The following ENTREP2 variants were observed in gnomAD, a reference collection of about 807,000 sequenced individuals.
The protein encoded by ENTREP2 is endosomal transmembrane epsin interactor 2.
the ENTREP2 span, among the ~76,000 whole-genome samples, chr15:29,169,533 G>A: frequency 6.6e-6 from 1 of 152,276 alleles, no homozygotes; most frequent in Middle Eastern, 3.4e-3. Context: ...GAACCTAGAT[G>A]CAAAAGTCCT....
chr15:29,515,503 A>G, the ENTREP2 span, among the ~76,000 whole-genome samples: 89 of 152,284 alleles, frequency 5.8e-4, no homozygotes, highest in African/African-American at 2.1e-3. Flanking sequence ...AACACCAGCT[A>G]TCTGGGCATC....
the ENTREP2 span, among the ~76,000 whole-genome samples, chr15:29,396,910 G>C: frequency 2.0e-5 from 3 of 152,114 alleles, no homozygotes; most frequent in Non-Finnish European, 4.4e-5. Context: ...GGGGGAAAAG[G>C]CTATTCAATA....
the ENTREP2 span, among the ~76,000 whole-genome samples, chr15:29,478,551 A>G: frequency 1.3e-5 from 2 of 152,006 alleles, no homozygotes; most frequent in African/African-American, 4.8e-5. Flanking sequence ...TCATGGGGGC[A>G]GATCCCTCAT....
At chr15:29,216,753 CAAAT>C in the ENTREP2 span, among the ~76,000 whole-genome samples, 2 of 151,728 alleles carry the variant, frequency 1.3e-5, no homozygotes, top group African/African-American at 4.8e-5. Flanking sequence ...ATAAAAGTAA[CAAAT>C]ACTCAATGTA....
At chr15:29,241,148 T>C in the ENTREP2 span, among the ~76,000 whole-genome samples, 2 of 152,194 alleles carry the variant, frequency 1.3e-5, no homozygotes, top group Admixed American at 1.3e-4. Flanking sequence ...TGCCTGACTA[T>C]ATCTAAATTT....
At chr15:29,430,098 G>A in the ENTREP2 span, among the ~76,000 whole-genome samples, 1 of 152,220 alleles carries the variant, frequency 6.6e-6, no homozygotes, top group Non-Finnish European at 1.5e-5. Context: ...GGGAATGGAG[G>A]AAGCGGAAAC....
the ENTREP2 span, among the ~76,000 whole-genome samples, chr15:29,240,419 C>T: frequency 6.6e-6 from 1 of 151,662 alleles, no homozygotes; most frequent in African/African-American, 2.4e-5. Context: ...AATGCAACAG[C>T]GTTGGGAGGC....
chr15:29,588,544 A>AAG, the ENTREP2 span, among the ~76,000 whole-genome samples: 267 of 19,788 alleles, frequency 0.013, no homozygotes, highest in African/African-American at 0.016. Flanking sequence ...AAGAGAAAGA[A>AAG]AGAGAGAGAG....
chr15:29,199,073 G>C, the ENTREP2 span, among the ~76,000 whole-genome samples: 1 of 152,144 alleles, frequency 6.6e-6, no homozygotes, highest in South Asian at 2.1e-4. Context: ...TAGTCTGCTG[G>C]TACATACATG....
the ENTREP2 span, among the ~76,000 whole-genome samples, chr15:29,580,620 C>A: frequency 6.6e-6 from 1 of 152,102 alleles, no homozygotes; most frequent in African/African-American, 2.4e-5. Flanking sequence ...AAATGCAAGA[C>A]TGAACCAAAA....
chr15:29,489,013 CAATG>C, the ENTREP2 span, among the ~76,000 whole-genome samples: 1 of 152,036 alleles, frequency 6.6e-6, no homozygotes, highest in East Asian at 1.9e-4. Flanking sequence ...CCTCTGGAGA[CAATG>C]AAAATAATTT....
the ENTREP2 span, among the ~76,000 whole-genome samples, chr15:29,405,409 C>A: frequency 9.3e-5 from 14 of 150,710 alleles, no homozygotes. Context: ...AAAAAAAAAT[C>A]TGACCATGTC....
At chr15:29,197,955 T>C in the ENTREP2 span, among the ~76,000 whole-genome samples, 2 of 152,160 alleles carry the variant, frequency 1.3e-5, no homozygotes, top group African/African-American at 4.8e-5. Context: ...AAATAATTTT[T>C]CATTGCATGA....
the ENTREP2 span, among the ~76,000 whole-genome samples, chr15:29,441,555 CGTGT>C: frequency 6.6e-6 from 1 of 151,924 alleles, no homozygotes; most frequent in Non-Finnish European, 1.5e-5. Flanking sequence ...GTTATGCGCA[CGTGT>C]GTGTGTGTGA....
At chr15:29,563,403 T>C in the ENTREP2 span, among the ~76,000 whole-genome samples, 1 of 152,208 alleles carries the variant, frequency 6.6e-6, no homozygotes, top group Non-Finnish European at 1.5e-5. Flanking sequence ...TTCCTAAGAA[T>C]ATCTATTTGC....
At chr15:29,178,444 C>A in the ENTREP2 span, among the ~76,000 whole-genome samples, 2 of 151,888 alleles carry the variant, frequency 1.3e-5, no homozygotes, top group African/African-American at 4.8e-5. Context: ...CCTTTCTTAC[C>A]TTCTCTCTGT....
chr15:29,444,176 A>AAGAAAGACAGACAC, the ENTREP2 span, among the ~76,000 whole-genome samples: 1 of 54,882 alleles, frequency 1.8e-5, no homozygotes, highest in Admixed American at 1.7e-4. Context: ...CAGACAAAGA[A>AAGAAAGACAGACAC]AGAAAGAAAG....
chr15:29,519,507 T>C, the ENTREP2 span, among the ~76,000 whole-genome samples: 23 of 152,290 alleles, frequency 1.5e-4, no homozygotes, highest in African/African-American at 5.3e-4. Flanking sequence ...CACTTATAAA[T>C]AGTAAATATA....
At chr15:29,660,234 A>G in the ENTREP2 span, among the ~76,000 whole-genome samples, 1 of 152,224 alleles carries the variant, frequency 6.6e-6, no homozygotes, top group Non-Finnish European at 1.5e-5. Context: ...TGCCCCCTCC[A>G]AAATTCAAGT....
Sources: allele counts gnomAD v4.1 joint callset (sites outside exome capture counted in the v4.1 genomes callset), GRCh38; gene constraint gnomAD v4.1.1; transcripts MANE v1.5; gene names NCBI Gene and HGNC (gene_info 2026-07-23, HGNC 2026-07-21).